The following SETBP1 variants were observed in gnomAD, a reference collection of about 807,000 sequenced individuals.
SETBP1 encodes SET binding protein 1.
Under a neutral mutation model 101.0 loss-of-function variants are expected in SETBP1, and 9 were observed. The observed-to-expected ratio is 0.09, with a 90% CI of 0.05 to 0.16. The LOEUF (loss-of-function observed/expected upper bound fraction) is 0.16. Among genes scored for constraint, SETBP1 ranks in the 10% least tolerant of loss-of-function variants. SETBP1 has a pLI of 1.00. For synonymous variants in SETBP1, 818 were observed against 788.5 expected (o/e 1.04, Z -0.63); for missense variants, 1,858 against 2,033.8 (o/e 0.91, Z 1.66).
At chr18:44,787,893 C>A in intron 2 of SETBP1, among the ~76,000 whole-genome samples, 1 of 115,418 alleles carries the variant, frequency 8.7e-6, no homozygotes, top group Non-Finnish European at 1.9e-5. Context: ...AAATTGTTCT[C>A]TAAGGAAAAA....
intron 2 of SETBP1, among the ~76,000 whole-genome samples, chr18:44,768,873 A>G (rs1323788622): frequency 6.6e-6 from 1 of 152,234 alleles, no homozygotes; most frequent in African/African-American, 2.4e-5. Context: ...TTTTCCGTAT[A>G]CCCACAGTGG....
intron 2 of SETBP1, among the ~76,000 whole-genome samples, chr18:44,719,819 A>G (rs2069546167): frequency 6.6e-6 from 1 of 152,158 alleles, no homozygotes; most frequent in Non-Finnish European, 1.5e-5. Context: ...CTGGGAGATA[A>G]TTGTTGGTCC....
At chr18:44,837,136 A>G (rs1347531995) in intron 2 of SETBP1, among the ~76,000 whole-genome samples, 4 of 152,224 alleles carry the variant, frequency 2.6e-5, no homozygotes, top group Non-Finnish European at 5.9e-5. Context: ...CACACCACGT[A>G]AGAGCCAAGG....
intron 2 of SETBP1, among the ~76,000 whole-genome samples, chr18:44,737,250 G>A (rs1232673376): frequency 6.6e-6 from 1 of 152,166 alleles, no homozygotes; most frequent in Admixed American, 6.5e-5. Context: ...TTCACTGTCA[G>A]GCACAAACTT....
intron 2 of SETBP1, among the ~76,000 whole-genome samples, chr18:44,786,057 A>G (rs1278509420): frequency 1.3e-5 from 2 of 151,914 alleles, no homozygotes; most frequent in Non-Finnish European, 2.9e-5. Flanking sequence ...ATTTCTATCA[A>G]TCTCAGTATT....
At chr18:44,707,198 T>G (rs949106820) in intron 2 of SETBP1, among the ~76,000 whole-genome samples, 2 of 152,190 alleles carry the variant, frequency 1.3e-5, no homozygotes, top group African/African-American at 2.4e-5. Flanking sequence ...TGCCACACCC[T>G]ATAAAAGTAA....
At chr18:44,902,971 A>G (rs987192833) in intron 3 of SETBP1, among the ~76,000 whole-genome samples, 1 of 152,164 alleles carries the variant, frequency 6.6e-6, no homozygotes, top group African/African-American at 2.4e-5. Context: ...TACAATGAAC[A>G]TCTATATACC....
chr18:44,861,456 T>A (rs2069010489), intron 2 of SETBP1, among the ~76,000 whole-genome samples: 13 of 151,814 alleles, frequency 8.6e-5, no homozygotes, highest in Admixed American at 8.5e-4. Flanking sequence ...ATGGTCTCAA[T>A]CTCCTGACCT....
At chr18:44,747,895 T>C (rs1176706280) in intron 2 of SETBP1, among the ~76,000 whole-genome samples, 1 of 152,230 alleles carries the variant, frequency 6.6e-6, no homozygotes, top group African/African-American at 2.4e-5. Context: ...GGAGATCAGC[T>C]ATCCCTAGAC....
chr18:44,817,698 GA>G (rs1228054505), intron 2 of SETBP1, among the ~76,000 whole-genome samples: 168 of 139,398 alleles, frequency 1.2e-3, no homozygotes, highest in East Asian at 1.7e-3. Context: ...AAAAAAAAAA[GA>G]AAAAAAAAAA....
intron 3 of SETBP1, among the ~76,000 whole-genome samples, chr18:44,914,996 T>C (rs1220431343): frequency 6.6e-6 from 1 of 152,038 alleles, no homozygotes; most frequent in Non-Finnish European, 1.5e-5. Context: ...AATACTAAAA[T>C]TTACTAAGTT....
At chr18:45,042,425 C>T (rs922300837) in intron 5 of SETBP1, among the ~76,000 whole-genome samples, 10 of 152,184 alleles carry the variant, frequency 6.6e-5, no homozygotes, top group African/African-American at 2.2e-4. Context: ...GCTAGGATTA[C>T]AGGCATAATG....
intron 2 of SETBP1, among the ~76,000 whole-genome samples, chr18:44,767,010 A>G (rs1041770017): frequency 1.3e-5 from 2 of 152,206 alleles, no homozygotes; most frequent in Non-Finnish European, 2.9e-5. Flanking sequence ...GTCCCATGGA[A>G]GGGGGAGAAT....
At chr18:44,724,865 C>T (rs897795564) in intron 2 of SETBP1, among the ~76,000 whole-genome samples, 26 of 152,164 alleles carry the variant, frequency 1.7e-4, no homozygotes, top group African/African-American at 6.0e-4. Flanking sequence ...AGTCAGACTA[C>T]ATAATGAGTG....
intron 2 of SETBP1, among the ~76,000 whole-genome samples, chr18:44,745,682 G>T (rs1468299681): frequency 6.6e-6 from 1 of 152,188 alleles, no homozygotes; most frequent in East Asian, 1.9e-4. Flanking sequence ...GGGGAGGCAG[G>T]GTTCAGACTC....
Position 45,054,422 on chromosome 18 carries a change from G to A in SETBP1, c.4172-8657G>A, listed in dbSNP as rs1209135703. ...AGACTGGTCTCAAACTCCTGACCTC[G>A]TAATCCACCCACCTCAGCCTCCCAA... On this transcript the variant is annotated intron_variant, in intron 5 of 5. Transcript: ENST00000649279. 8.6e-5 allele frequency among the ~76,000 whole-genome samples: 13 copies of A among 152,018 alleles called. No homozygotes were observed. The East Asian group carries it at 1.5e-3, about 18-fold the overall frequency.
chr18:44,786,821 G>A (rs887988997), intron 2 of SETBP1, among the ~76,000 whole-genome samples: 1 of 152,194 alleles, frequency 6.6e-6, no homozygotes, highest in East Asian at 1.9e-4. Flanking sequence ...GGGAGGGGTT[G>A]TATTGACTTT....
At chr18:45,057,329 AG>A (rs2073825709) in intron 5 of SETBP1, among the ~76,000 whole-genome samples, 1 of 152,146 alleles carries the variant, frequency 6.6e-6, no homozygotes, top group Admixed American at 6.5e-5. Context: ...AAGCAGCATT[AG>A]GAAAATAAGA....
At chr18:44,956,557 T>C (rs1026410496) in intron 4 of SETBP1, among the ~76,000 whole-genome samples, 14 of 152,228 alleles carry the variant, frequency 9.2e-5, no homozygotes, top group Admixed American at 2.6e-4. Flanking sequence ...TCACACTTGA[T>C]TCATTTCCTT....
Sources: gnomAD v4.1 joint callset for allele counts (sites outside exome capture counted in the v4.1 genomes callset) on GRCh38, gnomAD v4.1.1 for gene constraint, MANE v1.5 for transcripts, NCBI Gene and HGNC (gene_info 2026-07-23, HGNC 2026-07-21) for gene names.